Variants in NUBPL observed in about 807,000 individuals in gnomAD.
The protein encoded by NUBPL is iron-sulfur cluster transfer protein NUBPL.
Under a neutral mutation model 45.7 loss-of-function variants are expected in NUBPL, and 31 were observed. That is an observed-to-expected ratio of 0.68 (90% CI 0.51 to 0.92). NUBPL has a LOEUF of 0.92. NUBPL is among the 40% of genes least tolerant of loss of function. The pLI, the probability that NUBPL is intolerant of heterozygous loss-of-function variation, is 0.00. For synonymous variants in NUBPL, 144 were observed against 140.9 expected (o/e 1.02, Z -0.15); for missense variants, 401 against 398.7 (o/e 1.01, Z -0.05).
intron 6 of NUBPL, among the ~76,000 whole-genome samples, chr14:31,735,093 A>G (rs59948190): frequency 1.6e-3 from 250 of 152,322 alleles, no homozygotes; most frequent in African/African-American, 5.7e-3. Context: ...CTAACTGTCC[A>G]TAGCAGCCTT....
chr14:31,645,105 G>A lies in NUBPL; in HGVS notation c.383-28250G>A, dbSNP rs1416308764. 7.7e-5 allele frequency among the ~76,000 whole-genome samples: 11 copies of A among 143,522 alleles called. No homozygotes were observed. The South Asian group carries it at 1.1e-3, about 14-fold the overall frequency. The allele number at this position is 143,522 out of a possible 152,430, so 94.2% of individuals were successfully genotyped here. On this transcript the variant is annotated intron_variant, in intron 4 of 10. Coordinates refer to ENST00000281081, the MANE Select transcript of NUBPL (RefSeq NM_025152.3). ...TTTTGAGATGGAGTCTCGCTTTGTC[G>A]CCCAGGCTGGAGTGCAGTGGCGCAA...
intron 6 of NUBPL, among the ~76,000 whole-genome samples, chr14:31,773,637 A>G (rs916106130): frequency 6.6e-6 from 1 of 152,188 alleles, no homozygotes; most frequent in Non-Finnish European, 1.5e-5. Flanking sequence ...CTATACCAAT[A>G]GTGGCATGCT....
At chr14:31,577,609 T>C (rs2033749998) in intron 3 of NUBPL, among the ~76,000 whole-genome samples, 1 of 152,234 alleles carries the variant, frequency 6.6e-6, no homozygotes, top group Non-Finnish European at 1.5e-5. Context: ...GAGATGAATT[T>C]TGCCATGTTG....
At chr14:31,726,027 A>C (rs2037916128) in intron 6 of NUBPL, among the ~76,000 whole-genome samples, 1 of 152,124 alleles carries the variant, frequency 6.6e-6, no homozygotes, top group Non-Finnish European at 1.5e-5. Flanking sequence ...AGATTTTTGA[A>C]TTAAAGATGT....
chr14:31,790,072 A>C (rs1425578059), intron 7 of NUBPL, among the ~76,000 whole-genome samples: 1 of 152,208 alleles, frequency 6.6e-6, no homozygotes, highest in Non-Finnish European at 1.5e-5. Context: ...TCATATAGAT[A>C]ATACATTAGT....
At chr14:31,792,060 ATAGCTAAGTTTCATATTCATT>A (rs2039393125) in intron 7 of NUBPL, among the ~76,000 whole-genome samples, 1 of 152,188 alleles carries the variant, frequency 6.6e-6, no homozygotes, top group Non-Finnish European at 1.5e-5. Flanking sequence ...ACAGTAGATC[ATAGCTAAGTTTCATATTCATT>A]TTGACAGAGT....
chr14:31,829,178 G>A (rs1224885784), intron 8 of NUBPL, among the ~76,000 whole-genome samples: 2 of 152,100 alleles, frequency 1.3e-5, no homozygotes, highest in Non-Finnish European at 1.5e-5. Flanking sequence ...GAAAGTCATT[G>A]GAACTGTGTA....
intron 7 of NUBPL, among the ~76,000 whole-genome samples, chr14:31,801,401 C>T (rs10150198): frequency 0.1 from 15,314 of 152,070 alleles, 879 homozygotes; most frequent in African/African-American, 0.13. Context: ...CAACATTGCT[C>T]CTTCATGGTT....
rs1464572229 is a variant in NUBPL, at chr14:31,846,719, G to A, written c.814+128G>A. Reference sequence around the variant, plus strand: ...CACCTGTAATCCCAGCACTTTGGGAGGTCGAGGTGGACAGATCACGAGGTC... The same window carrying A: ...CACCTGTAATCCCAGCACTTTGGGAAGTCGAGGTGGACAGATCACGAGGTC... On this transcript the variant is annotated intron_variant, in intron 9 of 10. Coordinates refer to ENST00000281081, the MANE Select transcript of NUBPL (RefSeq NM_025152.3). 2.8e-6 allele frequency: 4 copies of A among 1,424,122 alleles called. No individual in the cohort carries two copies. In the African/African-American group the frequency reaches 4.2e-5, roughly 15 times the overall value. 88.2% of individuals were successfully genotyped at this position (1,424,122 alleles called of 1,614,324 possible).
At chr14:31,777,706 A>G (rs1033768366) in intron 6 of NUBPL, among the ~76,000 whole-genome samples, 4 of 152,218 alleles carry the variant, frequency 2.6e-5, no homozygotes, top group Non-Finnish European at 5.9e-5. Flanking sequence ...TGTCCCTTTC[A>G]GAGATTTGGC....
At chr14:31,825,460 T>G (rs1053251358) in intron 7 of NUBPL, among the ~76,000 whole-genome samples, 1 of 152,078 alleles carries the variant, frequency 6.6e-6, no homozygotes, top group African/African-American at 2.4e-5. Context: ...TTCTTCTTCC[T>G]CCTCCTCCTC....
chr14:31,578,082 T>C, intron 3 of NUBPL: 1 of 744,250 alleles, frequency 1.3e-6, no homozygotes, highest in South Asian at 1.4e-5. Flanking sequence ...TTTGAATGCA[T>C]TACTGGGTTT....
chr14:31,643,044 C>G lies in NUBPL; in HGVS notation c.383-30311C>G, dbSNP rs115339540. Among the ~76,000 whole-genome samples the G allele has an allele frequency of 6.4e-3, 972 of 152,078 alleles. 8 individuals are homozygous for G. The highest frequency in any genetic ancestry group is 0.021 in the African/African-American group (889 of 41,530). ...TACTCAATTCATTTATCTGTCCTAA[C>G]AGTTTTTTGGTGGAGTTTTTAGGCT... On this transcript the variant is annotated intron_variant, in intron 4 of 10. Transcript: ENST00000281081.
At chr14:31,665,836 AGTCTCCC>A (rs2139784851) in intron 4 of NUBPL, among the ~76,000 whole-genome samples, 1 of 152,144 alleles carries the variant, frequency 6.6e-6, no homozygotes, top group African/African-American at 2.4e-5. Flanking sequence ...GGGGTGTTAA[AGTCTCCC>A]ACTATTACTG....
intron 8 of NUBPL, chr14:31,844,882 G>C (rs1327216104): frequency 6.6e-6 from 1 of 152,206 alleles, no homozygotes; most frequent in Admixed American, 6.5e-5. Flanking sequence ...TCATCAATGA[G>C]AGAGTGGGAT....
chr14:31,587,665 GTACTC>G (rs1476466680), intron 3 of NUBPL, among the ~76,000 whole-genome samples: 6 of 152,076 alleles, frequency 3.9e-5, no homozygotes, highest in Non-Finnish European at 7.4e-5. Flanking sequence ...GGCTATGTCT[GTACTC>G]TATTATCTAT....
chr14:31,780,348 C>A (rs771605689), intron 6 of NUBPL, among the ~76,000 whole-genome samples: 1 of 152,022 alleles, frequency 6.6e-6, no homozygotes, highest in African/African-American at 2.4e-5. Context: ...GAATTACAGG[C>A]GTGAGCCACT....
intron 7 of NUBPL, among the ~76,000 whole-genome samples, chr14:31,798,872 A>G (rs765533758): frequency 2.0e-5 from 3 of 151,494 alleles, no homozygotes; most frequent in Non-Finnish European, 2.9e-5. Context: ...ATACCTTTCT[A>G]ATTCTCTCTC....
intron 6 of NUBPL, among the ~76,000 whole-genome samples, chr14:31,727,671 T>G (rs1452231622): frequency 3.3e-5 from 5 of 152,248 alleles, no homozygotes; most frequent in African/African-American, 4.8e-5. Flanking sequence ...AAATTATTTT[T>G]GGGCCACACT....
Sources: gnomAD v4.1 joint callset for allele counts (sites outside exome capture counted in the v4.1 genomes callset) on GRCh38, gnomAD v4.1.1 for gene constraint, MANE v1.5 for transcripts, NCBI Gene and HGNC (gene_info 2026-07-23, HGNC 2026-07-21) for gene names.